Variants in NRXN3 observed in about 807,000 individuals in gnomAD.
NRXN3 encodes the protein neurexin 3.
Under a neutral mutation model 137.6 loss-of-function variants are expected in NRXN3, and 32 were observed. The ratio of observed to expected loss-of-function variants is 0.23; its 90% CI spans 0.18 to 0.31. NRXN3 has a LOEUF of 0.31. Ranked by LOEUF, NRXN3 falls within the 10% of genes least tolerant of loss-of-function variation. NRXN3 has a pLI of 1.00. For synonymous variants in NRXN3, 798 were observed against 784.5 expected, an observed-to-expected ratio of 1.02 and a Z score of -0.29; for missense variants, 1,574 against 2,062.5, an observed-to-expected ratio of 0.76 and a Z score of 4.59.
intron 4 of NRXN3, among the ~76,000 whole-genome samples, chr14:78,605,378 C>A (rs1251031373): frequency 1.3e-5 from 2 of 152,102 alleles, no homozygotes; most frequent in Non-Finnish European, 2.9e-5. Context: ...AATGACTCTG[C>A]CCTATAAAAG....
At chr14:79,093,253 T>C (rs1448501419) in intron 15 of NRXN3, among the ~76,000 whole-genome samples, 1 of 152,074 alleles carries the variant, frequency 6.6e-6, no homozygotes, top group East Asian at 1.9e-4. Flanking sequence ...AGACATCTAA[T>C]TGGAATATGG....
At chr14:79,233,598 A>C (rs1007467290) in intron 15 of NRXN3, among the ~76,000 whole-genome samples, 1 of 151,362 alleles carries the variant, frequency 6.6e-6, no homozygotes, top group African/African-American at 2.4e-5. Flanking sequence ...ACCTTAGAAA[A>C]CTCTTGGAAT....
chr14:78,468,170 G>T (rs2095169361), intron 4 of NRXN3, among the ~76,000 whole-genome samples: 1 of 152,100 alleles, frequency 6.6e-6, no homozygotes, highest in Non-Finnish European at 1.5e-5. Context: ...ATTATTGTTA[G>T]TGATCTTGGT....
Position 79,862,097 on chromosome 14 carries a change from TG to T in NRXN3, c.*137del. 2.6e-6 allele frequency: 2 copies of T among 758,194 alleles called. No homozygotes were observed. The highest frequency in any genetic ancestry group is 2.7e-5 in the East Asian group (1 of 36,976). The allele number at this position is 758,194 out of a possible 1,614,324, so 47.0% of individuals were successfully genotyped here. On this transcript the variant is annotated 3_prime_UTR_variant, in exon 21 of 21. Coordinates refer to ENST00000335750, the MANE Select transcript of NRXN3 (RefSeq NM_001330195.2). ...ATGGGGTATATAACCACGACTCTGG[TG>T]GGGAAAACCGTTTTTTAAAGGACAC...
intron 1 of NRXN3, among the ~76,000 whole-genome samples, chr14:78,193,448 A>C (rs548387577): frequency 2.6e-5 from 4 of 152,266 alleles, no homozygotes; most frequent in Non-Finnish European, 5.9e-5. Context: ...CTAGCCAGGG[A>C]GTCTGCTGGA....
rs573892230 is a variant in NRXN3, at chr14:79,780,481, T to G, written c.4015-24631T>G. On this transcript the variant is annotated intron_variant, in intron 19 of 20. Coordinates refer to ENST00000335750, the MANE Select transcript of NRXN3 (RefSeq NM_001330195.2). ...AAAATTAGCCAGGCGTGGTGGTGGG[T>G]GCCTGTAATCCCAGCTACTTAGGAG... Among the ~76,000 whole-genome samples the G allele has an allele frequency of 8.7e-5, 13 of 149,508 alleles. No individual in the cohort carries two copies. In the East Asian group the frequency reaches 2.4e-3, roughly 27 times the overall value.
chr14:78,780,969 T>C (rs2098767112), intron 8 of NRXN3, among the ~76,000 whole-genome samples: 1 of 152,180 alleles, frequency 6.6e-6, no homozygotes, highest in Non-Finnish European at 1.5e-5. Flanking sequence ...CTCAGGCAAT[T>C]TACATTGAGC....
At chr14:79,853,595 C>G (rs1025126318) in intron 20 of NRXN3, 1 of 1,351,540 alleles carries the variant, frequency 7.4e-7, no homozygotes. Flanking sequence ...GACATGGCGA[C>G]TCACTTACAC....
intron 10 of NRXN3, among the ~76,000 whole-genome samples, chr14:78,872,922 C>A (rs939235820): frequency 6.6e-6 from 1 of 152,128 alleles, no homozygotes; most frequent in African/African-American, 2.4e-5. Flanking sequence ...ACAGCCTGAG[C>A]CTCTTCAAGT....
At chr14:79,380,235 T>C (rs1028971338) in intron 15 of NRXN3, among the ~76,000 whole-genome samples, 2 of 150,840 alleles carry the variant, frequency 1.3e-5, no homozygotes, top group Non-Finnish European at 2.9e-5. Context: ...TTAGGGTACA[T>C]GTGCACAGTG....
intron 4 of NRXN3, among the ~76,000 whole-genome samples, chr14:78,436,073 G>C (rs1295224193): frequency 6.6e-6 from 1 of 152,188 alleles, no homozygotes; most frequent in African/African-American, 2.4e-5. Flanking sequence ...ATTCTGCCAG[G>C]AGTGAGAGTG....
intron 4 of NRXN3, among the ~76,000 whole-genome samples, chr14:78,453,624 A>T (rs948668542): frequency 2.0e-5 from 3 of 152,214 alleles, no homozygotes; most frequent in African/African-American, 7.2e-5. Flanking sequence ...CTCTCAAAAG[A>T]TGTTGAAATT....
intron 15 of NRXN3, among the ~76,000 whole-genome samples, chr14:79,448,778 C>T (rs748212449): frequency 9.2e-5 from 14 of 151,978 alleles, no homozygotes; most frequent in Non-Finnish European, 1.5e-4. Flanking sequence ...CGTATACATG[C>T]GTGTACATTT....
At chr14:79,369,270 G>C (rs1003507221) in intron 15 of NRXN3, among the ~76,000 whole-genome samples, 12 of 152,302 alleles carry the variant, frequency 7.9e-5, no homozygotes, top group African/African-American at 2.9e-4. Flanking sequence ...GGCTTTAGAA[G>C]TAGAGTATTT....
chr14:78,873,968 T>TTTTC (rs1201102781), intron 10 of NRXN3, among the ~76,000 whole-genome samples: 4 of 141,220 alleles, frequency 2.8e-5, no homozygotes, highest in African/African-American at 1.3e-4. Flanking sequence ...AGTGATTTTC[T>TTTTC]TTTCTTTCTT....
At chr14:78,506,159 ACT>A (rs1281334870) in intron 4 of NRXN3, among the ~76,000 whole-genome samples, 1 of 151,758 alleles carries the variant, frequency 6.6e-6, no homozygotes, top group African/African-American at 2.4e-5. Flanking sequence ...CTAACATTAC[ACT>A]CTCTGCTTCT....
intron 11 of NRXN3, among the ~76,000 whole-genome samples, chr14:78,960,263 A>T (rs1313603197): frequency 6.6e-6 from 1 of 152,176 alleles, no homozygotes; most frequent in African/African-American, 2.4e-5. Context: ...TATGAGTTAC[A>T]ATCTTGGGTT....
At chr14:79,663,435 A>C (rs565257558) in intron 16 of NRXN3, among the ~76,000 whole-genome samples, 1 of 151,974 alleles carries the variant, frequency 6.6e-6, no homozygotes, top group African/African-American at 2.4e-5. Context: ...GTCTTGGTGT[A>C]CTCTCTTAGT....
chr14:78,658,196 G>A (rs534217696), intron 6 of NRXN3, among the ~76,000 whole-genome samples: 1 of 152,160 alleles, frequency 6.6e-6, no homozygotes, highest in Non-Finnish European at 1.5e-5. Context: ...GAATCAACAT[G>A]AGACATGAGA....
Sources: gnomAD v4.1 joint callset for allele counts (sites outside exome capture counted in the v4.1 genomes callset) on GRCh38, gnomAD v4.1.1 for gene constraint, MANE v1.5 for transcripts, NCBI Gene and HGNC (gene_info 2026-07-23, HGNC 2026-07-21) for gene names.